The following COMMD10 variants were observed in gnomAD, a reference collection of about 807,000 sequenced individuals.
COMMD10 encodes the protein COMM domain containing 10.
A neutral mutation model predicts 28.9 loss-of-function variants in COMMD10; 33 were observed. That is an observed-to-expected ratio of 1.14 (90% CI 0.87 to 1.53). The LOEUF is 1.53. COMMD10 is among the 40% of genes most tolerant of loss of function. COMMD10 has a pLI of 0.00. For synonymous variants in COMMD10, 110 were observed against 81.7 expected (o/e 1.35, Z -1.87); for missense variants, 310 against 233.4 (o/e 1.33, Z -2.14).
intron 5 of COMMD10, among the ~76,000 whole-genome samples, chr5:116,221,380 C>A (rs1749251323): frequency 6.6e-6 from 1 of 152,132 alleles, no homozygotes; most frequent in South Asian, 2.1e-4. Flanking sequence ...TTATTAAATT[C>A]TTTCTGTGTT....
intron 4 of COMMD10, among the ~76,000 whole-genome samples, chr5:116,132,142 T>G (rs1472174401): frequency 1.3e-5 from 2 of 152,038 alleles, no homozygotes; most frequent in Non-Finnish European, 2.9e-5. Flanking sequence ...GATGAGAATC[T>G]GAAATGAGTC....
intron 5 of COMMD10, among the ~76,000 whole-genome samples, chr5:116,157,776 T>G: frequency 6.6e-6 from 1 of 152,148 alleles, no homozygotes; most frequent in African/African-American, 2.4e-5. Flanking sequence ...AAAGTAGTTG[T>G]ACAGTTTATA....
At chr5:116,173,109 A>C (rs966095048) in intron 5 of COMMD10, among the ~76,000 whole-genome samples, 1 of 152,118 alleles carries the variant, frequency 6.6e-6, no homozygotes, top group Non-Finnish European at 1.5e-5. Flanking sequence ...GGTAGTAAAT[A>C]CTAAGGTTAA....
intron 5 of COMMD10, among the ~76,000 whole-genome samples, chr5:116,212,260 A>G (rs1277989884): frequency 6.6e-6 from 1 of 152,148 alleles, no homozygotes; most frequent in Non-Finnish European, 1.5e-5. Flanking sequence ...CTACAATTTG[A>G]TAAGCCAGGA....
intron 5 of COMMD10, among the ~76,000 whole-genome samples, chr5:116,205,619 C>T (rs866299916): frequency 6.6e-6 from 1 of 151,896 alleles, no homozygotes; most frequent in South Asian, 2.1e-4. Context: ...CATATAGACA[C>T]GTGTGTATGT....
chr5:116,249,381 G>C (rs974780417), intron 5 of COMMD10, among the ~76,000 whole-genome samples: 1 of 151,860 alleles, frequency 6.6e-6, no homozygotes, highest in Non-Finnish European at 1.5e-5. Flanking sequence ...GTTTCGTAGA[G>C]CTCATTTGTT....
At chr5:116,132,930 C>T (rs1751906557) in intron 4 of COMMD10, among the ~76,000 whole-genome samples, 1 of 152,050 alleles carries the variant, frequency 6.6e-6, no homozygotes, top group Admixed American at 6.6e-5. Flanking sequence ...GGCTTAGTGC[C>T]AGAAGGAACA....
At chr5:116,129,815 G>A (rs1417790209) in intron 4 of COMMD10, among the ~76,000 whole-genome samples, 2 of 141,972 alleles carry the variant, frequency 1.4e-5, no homozygotes, top group South Asian at 2.1e-4. Flanking sequence ...ATATATATTA[G>A]TATATATAGT....
intron 5 of COMMD10, among the ~76,000 whole-genome samples, chr5:116,277,630 A>C (rs1314228887): frequency 6.6e-6 from 1 of 151,928 alleles, no homozygotes; most frequent in Non-Finnish European, 1.5e-5. Flanking sequence ...TGCCCTTCAT[A>C]ACTTGAGGTA....
intron 4 of COMMD10, among the ~76,000 whole-genome samples, chr5:116,125,737 C>G (rs989685975): frequency 1.3e-5 from 2 of 152,028 alleles, no homozygotes; most frequent in Non-Finnish European, 2.9e-5. Flanking sequence ...TTTTTGAAGG[C>G]TTTGTTCGTT....
chr5:116,193,680 A>G (rs1433647645), intron 5 of COMMD10, among the ~76,000 whole-genome samples: 2 of 152,092 alleles, frequency 1.3e-5, no homozygotes, highest in African/African-American at 4.8e-5. Context: ...AACAATTACT[A>G]ATAGACCTAA....
At chr5:116,153,284 C>G (rs1277454789) in intron 5 of COMMD10, among the ~76,000 whole-genome samples, 5 of 103,264 alleles carry the variant, frequency 4.8e-5, no homozygotes, top group Non-Finnish European at 8.0e-5. Context: ...CATTTTCTGT[C>G]AAGAGGTAAG....
In COMMD10 at chr5:116,257,353, A is replaced by G. The variant is rs946171532; in HGVS notation, c.511-34164A>G. ...ATTTTAAATATATAACTTGTTGTCT[A>G]CTGAGTAAAAGATGGGCTGCTTCTG... On this transcript the variant is annotated intron_variant, in intron 5 of 6. Transcript: ENST00000274458. Among the ~76,000 whole-genome samples, 9 of 151,750 alleles carry G rather than the reference A, an allele frequency of 5.9e-5. 1 individual carries two copies. Among genetic ancestry groups the G allele is most frequent in the Admixed American group, 2.6e-4 (4 of 15,194 alleles).
intron 5 of COMMD10, among the ~76,000 whole-genome samples, chr5:116,157,901 G>C (rs934584746): frequency 5.4e-5 from 8 of 148,016 alleles, no homozygotes; most frequent in Non-Finnish European, 5.9e-5. Context: ...TTTTATTGTG[G>C]TTTTAATAGT....
chr5:116,102,877 C>T (rs996047022), intron 4 of COMMD10, among the ~76,000 whole-genome samples: 4 of 151,358 alleles, frequency 2.6e-5, no homozygotes, highest in African/African-American at 9.7e-5. Flanking sequence ...TCCATGTGTT[C>T]TCATTGTTCA....
chr5:116,251,706 G>C (rs1238642101), intron 5 of COMMD10, among the ~76,000 whole-genome samples: 1 of 150,256 alleles, frequency 6.7e-6, no homozygotes, highest in Non-Finnish European at 1.5e-5. Flanking sequence ...ATGGACATTT[G>C]GGTTGGTTCC....
At chr5:116,234,649 G>T (rs1386857920) in intron 5 of COMMD10, among the ~76,000 whole-genome samples, 1 of 152,158 alleles carries the variant, frequency 6.6e-6, no homozygotes, top group Non-Finnish European at 1.5e-5. Flanking sequence ...ATTTAAATAA[G>T]GTGATTTGGC....
chr5:116,151,693 C>A (rs184058508), intron 5 of COMMD10, among the ~76,000 whole-genome samples: 1 of 152,074 alleles, frequency 6.6e-6, no homozygotes, highest in South Asian at 2.1e-4. Context: ...TCTGTGGGAT[C>A]GGTGGTGATA....
chr5:116,225,414 CAT>C (rs1749369384), intron 5 of COMMD10, among the ~76,000 whole-genome samples: 1 of 125,500 alleles, frequency 8.0e-6, no homozygotes, highest in African/African-American at 2.9e-5. Flanking sequence ...CATTGGGAAA[CAT>C]ATGGTGAAAT....
Sources: allele counts gnomAD v4.1 joint callset (sites outside exome capture counted in the v4.1 genomes callset), GRCh38; gene constraint gnomAD v4.1.1; transcripts MANE v1.5; gene names NCBI Gene and HGNC (gene_info 2026-07-23, HGNC 2026-07-21).